GAL3ST2: variants seen among roughly 807,000 people sequenced by gnomAD.
GAL3ST2 encodes beta-galactose-3-O-sulfotransferase 2.
GAL3ST2 carries 16 observed loss-of-function variants against 12.9 expected under a neutral mutation model. The ratio of observed to expected loss-of-function variants is 1.24; its 90% CI spans 0.84 to 1.88. GAL3ST2 has a LOEUF of 1.88. Ranked by LOEUF, GAL3ST2 falls within the 40% of genes most tolerant of loss-of-function variation. The pLI, the probability that GAL3ST2 is intolerant of heterozygous loss-of-function variation, is 0.00. For missense variants in GAL3ST2, 639 were observed against 571.8 expected (o/e 1.12, Z -1.20); for synonymous variants, 302 against 273.9 (o/e 1.10, Z -1.01).
In GAL3ST2 at chr2:241,793,609, GTA is replaced by G. The variant is rs1699730902; in HGVS notation, c.30-5454_30-5453del. Among the ~76,000 whole-genome samples the G allele has an allele frequency of 7.4e-6, 1 of 135,650 alleles. No homozygotes were observed. Among genetic ancestry groups the G allele is most frequent in the African/African-American group, 3.3e-5 (1 of 30,136 alleles). The allele number at this position is 135,650 out of a possible 152,430, so 89.0% of individuals were successfully genotyped here. ...TGTATGTATATGTGTATATGTGTGT[GTA>G]TTGTGTGTGTACATATTGTGTTTGT... is the stretch of plus-strand genomic sequence containing the variant. On this transcript the variant is annotated intron_variant, in intron 1 of 3. Transcript: ENST00000192314. This position sits in a 1 kb window ranked among gnomAD's most constrained non-coding sequence, Gnocchi z 4.7.
intron 1 of GAL3ST2, among the ~76,000 whole-genome samples, chr2:241,797,489 T>C (rs1466285756): frequency 1.3e-5 from 2 of 152,232 alleles, no homozygotes; most frequent in Non-Finnish European, 2.9e-5. Context: ...AAAAATCATC[T>C]CCTTTCTCCA....
intron 1 of GAL3ST2, among the ~76,000 whole-genome samples, chr2:241,796,790 G>A (rs558734579): frequency 6.8e-4 from 104 of 152,264 alleles, no homozygotes; most frequent in African/African-American, 2.5e-3. Flanking sequence ...TTCCCGTGGG[G>A]GGCTGGGCTG....
rs1416480421 is a variant in GAL3ST2, at chr2:241,800,215, G to A, written c.119+1061G>A. Reference sequence around the variant, plus strand: ...GTCTGGTGGGGGTTCCAGGGTTGGGGGTGTCAACTGAAGAATCATGACATC... The same window carrying A: ...GTCTGGTGGGGGTTCCAGGGTTGGGAGTGTCAACTGAAGAATCATGACATC... On this transcript the variant is annotated intron_variant, in intron 2 of 3. Transcript: ENST00000192314. This position sits in a 1 kb window ranked among gnomAD's most constrained non-coding sequence, Gnocchi z 5.2. Among the ~76,000 whole-genome samples, 1 of 152,070 alleles carries A rather than the reference G, an allele frequency of 6.6e-6. No homozygotes were observed. Among genetic ancestry groups the A allele is most frequent in the African/African-American group, 2.4e-5 (1 of 41,382 alleles).
chr2:241,798,834 G>A (rs1455123816), intron 1 of GAL3ST2, among the ~76,000 whole-genome samples: 1 of 152,166 alleles, frequency 6.6e-6, no homozygotes, highest in African/African-American at 2.4e-5. Flanking sequence ...GGCTCTTTCC[G>A]GCCCTAAGCC....
At chr2:241,786,137 T>TGTGTGTGTGTGTGTGTG in intron 1 of GAL3ST2, among the ~76,000 whole-genome samples, 1 of 115,146 alleles carries the variant, frequency 8.7e-6, no homozygotes, top group East Asian at 2.9e-4. Flanking sequence ...ACCACACACC[T>TGTGTGTGTGTGTGTGTG]TTTGTGTGTG....
At chr2:241,799,868 A>C (rs1344737386) in intron 2 of GAL3ST2, among the ~76,000 whole-genome samples, 1 of 152,166 alleles carries the variant, frequency 6.6e-6, no homozygotes, top group African/African-American at 2.4e-5. Flanking sequence ...GTTCTGGGGC[A>C]GGGAGGGCGC....
rs1247804256 is a variant in GAL3ST2, at chr2:241,801,180, T to C, written c.120-601T>C. ...CTCTGTGTCCACGTGTTCTCATTGTTCAAGTCCCACTTATGAGTGAGAACA... is the reference window on the plus strand; with the variant it reads ...CTCTGTGTCCACGTGTTCTCATTGTCCAAGTCCCACTTATGAGTGAGAACA... On this transcript the variant is annotated intron_variant, in intron 2 of 3. Transcript: ENST00000192314. This position sits in a 1 kb window ranked among gnomAD's most constrained non-coding sequence, Gnocchi z 4.4. 1 of 153,078 alleles carries C rather than the reference T, an allele frequency of 6.5e-6. No individual in the cohort carries two copies. Among genetic ancestry groups the C allele is most frequent in the Non-Finnish European group, 1.5e-5 (1 of 68,760 alleles). 9.5% of individuals were successfully genotyped at this position (153,078 alleles called of 1,614,324 possible).
chr2:241,786,280 A>G (rs777996495), intron 1 of GAL3ST2, among the ~76,000 whole-genome samples: 6 of 152,094 alleles, frequency 3.9e-5, no homozygotes, highest in Non-Finnish European at 8.8e-5. Context: ...AAAAAGACTG[A>G]AAAAACAACA....
In GAL3ST2 at chr2:241,799,173, A is replaced by T; in HGVS notation, c.119+19A>T. 6.2e-7 allele frequency: 1 copy of T among 1,608,886 alleles called. No individual in the cohort carries two copies. The highest frequency in any genetic ancestry group is 1.7e-5 in the Admixed American group (1 of 59,996). On this transcript the variant is annotated intron_variant, in intron 2 of 3. Transcript: ENST00000192314. ...ACACACCGTAAGTCCTGCCCCCACC[A>T]TAAGTCCTGCCCCGGGTACCTCCTA...
At position 241,802,514 on chromosome 2, in the gene GAL3ST2, C is replaced by T. The variant is rs1699866422; in HGVS notation, c.375+478C>T. ...AGGTGTTTTAGGGTCACCCTGAGCG[C>T]TCTGTGGAGAATGGCCAGCAGAGGC... On this transcript the variant is annotated intron_variant, in intron 3 of 3. Coordinates refer to ENST00000192314, the MANE Select transcript of GAL3ST2 (RefSeq NM_022134.3). The surrounding 1 kb of genome is among the most constrained non-coding windows in gnomAD (Gnocchi z 4.8). Among the ~76,000 whole-genome samples the T allele has an allele frequency of 6.6e-6, 1 of 151,744 alleles. No homozygotes were observed. Among genetic ancestry groups the T allele is most frequent in the Admixed American group, 6.6e-5 (1 of 15,256 alleles).
intron 1 of GAL3ST2, among the ~76,000 whole-genome samples, chr2:241,794,446 CTT>C (rs1324676213): frequency 6.6e-6 from 1 of 152,208 alleles, no homozygotes; most frequent in Non-Finnish European, 1.5e-5. Context: ...CCAGGCCTCT[CTT>C]CTCTTTCTTT....
chr2:241,796,750 G>A lies in GAL3ST2; in HGVS notation c.30-2315G>A, dbSNP rs1559416764. ...GACAGAGTGGTCCTGACCAGTAGCT[G>A]AGCGCCCGGGGTAGATGGTTACTGG... On this transcript the variant is annotated intron_variant, in intron 1 of 3. Coordinates refer to ENST00000192314, the MANE Select transcript of GAL3ST2 (RefSeq NM_022134.3). Among the ~76,000 whole-genome samples, 2 of 152,188 alleles carry A rather than the reference G, an allele frequency of 1.3e-5. 1 individual carries two copies. Among genetic ancestry groups the A allele is most frequent in the African/African-American group, 4.8e-5 (2 of 41,432 alleles).
intron 1 of GAL3ST2, among the ~76,000 whole-genome samples, chr2:241,796,815 C>A (rs1182773699): frequency 6.6e-6 from 1 of 152,140 alleles, no homozygotes; most frequent in Non-Finnish European, 1.5e-5. Flanking sequence ...CAGCCCTGAG[C>A]TGGCCCCACG....
intron 2 of GAL3ST2, among the ~76,000 whole-genome samples, chr2:241,799,633 C>T (rs1381080314): frequency 6.6e-6 from 1 of 152,214 alleles, no homozygotes; most frequent in Non-Finnish European, 1.5e-5. Context: ...CCTCGCAGCC[C>T]AGCTGTGCCT....
In GAL3ST2 at chr2:241,776,966, T is replaced by C; in HGVS notation, c.11T>C (p.Met4Thr). The C allele has an allele frequency of 6.4e-7, 1 of 1,552,154 alleles. No individual in the cohort carries two copies. Among genetic ancestry groups the C allele is most frequent in the Non-Finnish European group, 8.7e-7 (1 of 1,144,732 alleles). ...AGGCCAGAGGCCAAGATGATGTCCATGCTGGGCGGCTTGCAGAGGTAAGGG... is the reference window on the plus strand; with the variant it reads ...AGGCCAGAGGCCAAGATGATGTCCACGCTGGGCGGCTTGCAGAGGTAAGGG... MMSMLGGLQRYFRV... is the reference protein window; with the variant it reads MMSTLGGLQRYFRV... Residue 4 changes from methionine to threonine, a missense_variant, in exon 1 of 4, where the codon ATG becomes ACG. Transcript: ENST00000192314.
intron 1 of GAL3ST2, among the ~76,000 whole-genome samples, chr2:241,783,655 T>C (rs10208011): frequency 0.21 from 32,341 of 152,180 alleles, 4,317 homozygotes; most frequent in African/African-American, 0.38. Context: ...AAGTATTTAT[T>C]CTAATACATT....
In GAL3ST2 at chr2:241,781,315, G is replaced by T. The variant is rs1221591031; in HGVS notation, c.29+4331G>T. 2.6e-5 allele frequency among the ~76,000 whole-genome samples: 4 copies of T among 152,080 alleles called. 1 individual carries two copies. The highest frequency in any genetic ancestry group is 4.1e-4 in the South Asian group (2 of 4,832). ...AGTTTACACAGTTAACTCCTGTTCT[G>T]CTTGATATTCATGAACATTTCAGCT... On this transcript the variant is annotated intron_variant, in intron 1 of 3. Coordinates refer to ENST00000192314, the MANE Select transcript of GAL3ST2 (RefSeq NM_022134.3).
At chr2:241,790,495 T>C (rs974206848) in intron 1 of GAL3ST2, among the ~76,000 whole-genome samples, 2 of 152,232 alleles carry the variant, frequency 1.3e-5, no homozygotes, top group Non-Finnish European at 2.9e-5. Context: ...AGGACTAAGC[T>C]CTGATTTTGT....
At chr2:241,788,379 T>A (rs1014302489) in intron 1 of GAL3ST2, among the ~76,000 whole-genome samples, 1 of 152,190 alleles carries the variant, frequency 6.6e-6, no homozygotes, top group African/African-American at 2.4e-5. Flanking sequence ...GAAGTGGTCT[T>A]GGCTGTATTT....
Sources: allele counts gnomAD v4.1 joint callset (sites outside exome capture counted in the v4.1 genomes callset), GRCh38; gene constraint gnomAD v4.1.1; non-coding constraint Gnocchi (gnomAD v3.1); transcripts MANE v1.5; gene names NCBI Gene and HGNC (gene_info 2026-07-23, HGNC 2026-07-21).